Variants in GLI2 observed in about 807,000 individuals in gnomAD.
GLI2 encodes GLI family zinc finger 2, also known as transcription activator GLI2.
GLI2 carries 22 observed loss-of-function variants against 78.9 expected under a neutral mutation model. That is an observed-to-expected ratio of 0.28 (90% CI 0.20 to 0.40). The LOEUF is 0.40. Among genes scored for constraint, GLI2 ranks in the 10% least tolerant of loss-of-function variants. The probability of loss-of-function intolerance (pLI) is 1.00; values close to 1 mark genes in which losing one functional copy is unlikely to be tolerated. For missense variants in GLI2, 2,097 were observed against 2,213.2 expected, an observed-to-expected ratio of 0.95 and a Z score of 1.05; for synonymous variants, 974 against 963.7, an observed-to-expected ratio of 1.01 and a Z score of -0.20.
chr2:120,743,860 G>C (rs1169038371), intron 1 of GLI2, among the ~76,000 whole-genome samples: 1 of 152,224 alleles, frequency 6.6e-6, no homozygotes, highest in Non-Finnish European at 1.5e-5. Context: ...CAAGACAGCG[G>C]GTAGGGTGGG....
At chr2:120,878,937 A>G (rs1413919146) in intron 2 of GLI2, among the ~76,000 whole-genome samples, 1 of 152,002 alleles carries the variant, frequency 6.6e-6, no homozygotes, top group Non-Finnish European at 1.5e-5. Flanking sequence ...TAAAAAAAAA[A>G]AAAAATCTTT....
chr2:120,882,863 C>T (rs894736962), intron 2 of GLI2, among the ~76,000 whole-genome samples: 23 of 152,038 alleles, frequency 1.5e-4, no homozygotes, highest in African/African-American at 4.8e-4. Context: ...TAAAATACAC[C>T]CTTTTGAGGC....
intron 2 of GLI2, among the ~76,000 whole-genome samples, chr2:120,918,676 G>A (rs1381813180): frequency 6.6e-6 from 1 of 152,076 alleles, no homozygotes; most frequent in Non-Finnish European, 1.5e-5. Context: ...CCTGACCTCA[G>A]GTGATCCACC....
At chr2:120,927,547 C>A in intron 3 of GLI2, 81 bp downstream of exon 3, 1 of 881,354 alleles carries the variant, frequency 1.1e-6, no homozygotes, top group Non-Finnish European at 1.9e-6. Context: ...TCAGCCACAT[C>A]TCCTGCCTCT....
intron 5 of GLI2, 46 bp downstream of exon 5, chr2:120,955,476 C>G: frequency 1.6e-6 from 2 of 1,244,010 alleles, no homozygotes; most frequent in Non-Finnish European, 1.1e-6. Flanking sequence ...AGCAGATCTC[C>G]TCTTGAGGCT....
At chr2:120,866,965 TC>T (rs1251859958) in intron 2 of GLI2, 3 of 152,176 alleles carry the variant, frequency 2.0e-5, no homozygotes, top group Non-Finnish European at 4.4e-5. Context: ...ACTTCCAGGC[TC>T]TGCAGCTCTC....
At chr2:120,985,105 C>T (rs965278250) in intron 12 of GLI2, among the ~76,000 whole-genome samples, 1 of 152,210 alleles carries the variant, frequency 6.6e-6, no homozygotes, top group African/African-American at 2.4e-5. Flanking sequence ...GTCTCTGCAT[C>T]CCCACCCCTC....
chr2:120,810,777 A>G (rs961647142), intron 2 of GLI2, among the ~76,000 whole-genome samples: 2 of 152,208 alleles, frequency 1.3e-5, no homozygotes, highest in Non-Finnish European at 2.9e-5. Flanking sequence ...TCAGAAGTTC[A>G]GGGTTAGATT....
Position 120,971,982 on chromosome 2 carries a change from C to T in GLI2, c.1101C>T (p.Asn367=). The T allele has an allele frequency of 6.2e-7, 1 of 1,613,684 alleles. No individual in the cohort carries two copies. The highest frequency in any genetic ancestry group is 1.1e-5 in the South Asian group (1 of 91,088). The part of the protein sequence containing the change: ...SSESAVSSTV[N]PVAIHKRSKV... ...AGTCGGCCGTCAGCAGCACCGTCAA[C>T]CCTGTCGCCATTCACAAGCGCAGCA... The change falls in exon 8 of 14, where the codon AAC becomes AAT. Residue 367 remains asparagine, a synonymous_variant. Transcript: ENST00000361492.
intron 1 of GLI2, among the ~76,000 whole-genome samples, chr2:120,789,570 A>T (rs1051436293): frequency 2.6e-5 from 4 of 152,072 alleles, no homozygotes; most frequent in Admixed American, 6.5e-5. Context: ...CACAAGTAGA[A>T]ACTCACTGCT....
rs13008360 is a variant in GLI2 at position 120,984,731 on chromosome 2, C to G, written c.1893C>G (p.Thr631=). 2 of 1,612,632 alleles carry G rather than the reference C, an allele frequency of 1.2e-6. No individual in the cohort carries two copies. The highest frequency in any genetic ancestry group is 1.7e-4 in the Middle Eastern group (1 of 6,024). Residue 631 remains threonine (T), a synonymous_variant, in exon 12 of 14, where the codon ACC becomes ACG. Transcript: ENST00000361492. ...GCCTGCACGTCAGAGCCATCAAGAC[C>G]GAGAGCTCCGGGGTAAGCGGAGCTG... The part of the protein sequence containing the change: ...EDCLHVRAIK[T]ESSGLCQSSP...
intron 2 of GLI2, among the ~76,000 whole-genome samples, chr2:120,880,916 C>T (rs530943287): frequency 6.6e-6 from 1 of 152,172 alleles, no homozygotes; most frequent in Admixed American, 6.5e-5. Context: ...ATGCAAATAT[C>T]CCCCCCTGCC....
At chr2:120,978,611 G>A (rs1023941732) in intron 10 of GLI2, 28 bp downstream of exon 10, 22 of 1,610,440 alleles carry the variant, frequency 1.4e-5, no homozygotes, top group African/African-American at 5.3e-5. Context: ...CACCCCCGCC[G>A]CAGCATCAAG....
intron 2 of GLI2, among the ~76,000 whole-genome samples, chr2:120,900,158 G>C (rs1261312772): frequency 6.6e-6 from 1 of 152,222 alleles, no homozygotes; most frequent in Non-Finnish European, 1.5e-5. Context: ...TGAGGCCCCA[G>C]CTTGTTTGCA....
chr2:120,961,125 T>A (rs1332948474), intron 5 of GLI2, among the ~76,000 whole-genome samples: 1 of 152,048 alleles, frequency 6.6e-6, no homozygotes, highest in Non-Finnish European at 1.5e-5. Context: ...TTGAGAAGAT[T>A]GAGATGTTTC....
At position 120,923,834 on chromosome 2, in the gene GLI2, T is replaced by C. The variant is rs532643459; in HGVS notation, c.149-3527T>C. Among the ~76,000 whole-genome samples the C allele has an allele frequency of 3.9e-5, 6 of 152,034 alleles. No individual in the cohort carries two copies. In the East Asian group the frequency reaches 1.2e-3, roughly 29 times the overall value. On this transcript the variant is annotated intron_variant, in intron 2 of 13. Transcript: ENST00000361492. ...CATGTAGACACATACCACACACATA[T>C]GCAAACACACCTCACACACACGTAC...
At chr2:120,796,067 A>G (rs1448378654) in intron 1 of GLI2, among the ~76,000 whole-genome samples, 4 of 152,020 alleles carry the variant, frequency 2.6e-5, no homozygotes. Context: ...ACAAACAAAC[A>G]AACAAAAACA....
chr2:120,763,428 C>A (rs998813123), intron 1 of GLI2, among the ~76,000 whole-genome samples: 2 of 152,216 alleles, frequency 1.3e-5, no homozygotes, highest in African/African-American at 4.8e-5. Flanking sequence ...GCAGAGAAAG[C>A]CTGGGGAAGT....
chr2:120,740,198 G>T (rs1682487552), intron 1 of GLI2, among the ~76,000 whole-genome samples: 1 of 152,176 alleles, frequency 6.6e-6, no homozygotes, highest in African/African-American at 2.4e-5. Flanking sequence ...CTGGGAAAAT[G>T]CACAGATGAT....
Sources: gnomAD v4.1 joint callset for allele counts (sites outside exome capture counted in the v4.1 genomes callset) on GRCh38, gnomAD v4.1.1 for gene constraint, MANE v1.5 for transcripts, NCBI Gene and HGNC (gene_info 2026-07-23, HGNC 2026-07-21) for gene names.